MICU1: variants seen among roughly 807,000 people sequenced by gnomAD.
The protein encoded by MICU1 is mitochondrial calcium uptake 1, also known as calcium uptake protein 1, mitochondrial.
MICU1 carries 45 observed loss-of-function variants against 56.8 expected under a neutral mutation model. That is an observed-to-expected ratio of 0.79 (90% confidence interval 0.62 to 1.02). The LOEUF (loss-of-function observed/expected upper bound fraction) is 1.02, where lower values mean the gene tolerates loss of function less well. MICU1 is among the 50% of genes least tolerant of loss of function. The probability of loss-of-function intolerance (pLI) is 0.00; values close to 1 mark genes in which losing one functional copy is unlikely to be tolerated. For missense variants in MICU1, 504 were observed against 587.1 expected (o/e 0.86, Z 1.46); for synonymous variants, 186 against 195.1 (o/e 0.95, Z 0.39).
At position 72,412,313 on chromosome 10, in the gene MICU1, A is replaced by C. The variant is rs1198713962; in HGVS notation, c.1072-4276T>G. 2.6e-5 allele frequency among the ~76,000 whole-genome samples: 4 copies of C among 152,216 alleles called. No individual in the cohort carries two copies. The East Asian group carries it at 7.7e-4, about 29-fold the overall frequency. On this transcript the variant is annotated intron_variant, in intron 9 of 11. Transcript: ENST00000361114. ...AACAATCTATTGGCAGGTGACTAGA[A>C]CTGCAGACATAATAATCAAAAGGAA...
intron 8 of MICU1, among the ~76,000 whole-genome samples, chr10:72,431,828 T>C (rs1321946944): frequency 1.3e-5 from 2 of 152,200 alleles, no homozygotes; most frequent in Non-Finnish European, 2.9e-5. Context: ...ATCCCACTAG[T>C]ATATATGAGA....
chr10:72,569,237 A>ATATATATATATTTTTTTT, intron 1 of MICU1, among the ~76,000 whole-genome samples: 4 of 34,376 alleles, frequency 1.2e-4, no homozygotes, highest in Non-Finnish European at 2.0e-4. Flanking sequence ...ATATATATAT[A>ATATATATATATTTTTTTT]TTTTTTTTTT....
chr10:72,400,157 C>T (rs567946148), intron 10 of MICU1, among the ~76,000 whole-genome samples: 1 of 152,118 alleles, frequency 6.6e-6, no homozygotes, highest in Non-Finnish European at 1.5e-5. Flanking sequence ...GTACCACTGC[C>T]TCTATTAGCA....
rs59625471 is a variant in MICU1 at position 72,531,953 on chromosome 10, C to T, written c.537+1793G>A. On this transcript the variant is annotated intron_variant, in intron 5 of 11. Coordinates refer to ENST00000361114, the MANE Select transcript of MICU1 (RefSeq NM_001195518.2). The stretch of plus-strand genomic sequence containing the variant: ...TCTCGCTCTGTTGCCCAGGCTGGAG[C>T]GCAATGGCACAATCTTGGCTCACTG... 2.8e-5 allele frequency among the ~76,000 whole-genome samples: 4 copies of T among 144,938 alleles called. No homozygotes were observed. The Admixed American group carries it at 2.8e-4, about 10-fold the overall frequency.
At position 72,367,909 on chromosome 10, in the gene MICU1, C is replaced by T; in HGVS notation, c.*286G>A. ...TGGATGGTTCCCTGAATTCTTTATC[C>T]ACAGGATGCTTGAATGGGTGGTGCT... On this transcript the variant is annotated 3_prime_UTR_variant, in exon 12 of 12. Coordinates refer to ENST00000361114, the MANE Select transcript of MICU1 (RefSeq NM_001195518.2). 3.0e-6 allele frequency: 1 copy of T among 336,140 alleles called. No individual in the cohort carries two copies. Among genetic ancestry groups the T allele is most frequent in the Non-Finnish European group, 5.4e-6 (1 of 183,656 alleles). The allele number at this position is 336,140 out of a possible 1,614,324, so 20.8% of individuals were successfully genotyped here.
intron 1 of MICU1, among the ~76,000 whole-genome samples, chr10:72,624,417 A>G (rs1448679430): frequency 1.3e-5 from 2 of 152,120 alleles, no homozygotes; most frequent in Admixed American, 1.3e-4. Context: ...TCCTAGATTC[A>G]AGGGATCCAC....
intron 9 of MICU1, among the ~76,000 whole-genome samples, chr10:72,410,713 G>A (rs2132110082): frequency 6.6e-6 from 1 of 152,254 alleles, no homozygotes; most frequent in African/African-American, 2.4e-5. Flanking sequence ...TGGACTGGAA[G>A]GCCTATATTA....
intron 1 of MICU1, among the ~76,000 whole-genome samples, chr10:72,613,901 T>C (rs1449742492): frequency 6.6e-6 from 1 of 152,146 alleles, no homozygotes; most frequent in Non-Finnish European, 1.5e-5. Flanking sequence ...TCCCAGCACT[T>C]TGGGAGGCTG....
intron 11 of MICU1, among the ~76,000 whole-genome samples, chr10:72,372,784 G>A (rs1351613223): frequency 6.6e-6 from 1 of 152,084 alleles, no homozygotes; most frequent in African/African-American, 2.4e-5. Flanking sequence ...AGAGGCTGCA[G>A]TGAGCCGAGA....
chr10:72,483,912 T>C (rs2132287278), intron 6 of MICU1: 1 of 152,332 alleles, frequency 6.6e-6, no homozygotes, highest in East Asian at 1.9e-4. Flanking sequence ...CAAAAGACAC[T>C]GTGTTATTCA....
At chr10:72,452,384 A>G (rs1221913019) in intron 8 of MICU1, among the ~76,000 whole-genome samples, 1 of 152,216 alleles carries the variant, frequency 6.6e-6, no homozygotes, top group Non-Finnish European at 1.5e-5. Context: ...GAAGTTAATC[A>G]GTATTTTAAA....
chr10:72,479,765 G>C (rs1404336770), intron 6 of MICU1, among the ~76,000 whole-genome samples: 4 of 152,116 alleles, frequency 2.6e-5, no homozygotes, highest in Non-Finnish European at 1.5e-5. Context: ...GGCCTCAAAT[G>C]ATCCTCCTGC....
At chr10:72,398,543 T>A (rs1212225455) in intron 10 of MICU1, among the ~76,000 whole-genome samples, 1 of 150,982 alleles carries the variant, frequency 6.6e-6, no homozygotes, top group African/African-American at 2.4e-5. Context: ...GATAGACAGC[T>A]AGCAAGACTA....
chr10:72,489,296 A>T (rs1382543562), intron 6 of MICU1, among the ~76,000 whole-genome samples: 3 of 131,446 alleles, frequency 2.3e-5, no homozygotes, highest in African/African-American at 1.3e-4. Context: ...TCTGTCACAC[A>T]CACACACACA....
chr10:72,434,207 A>G (rs1399033624), intron 8 of MICU1, among the ~76,000 whole-genome samples: 1 of 152,176 alleles, frequency 6.6e-6, no homozygotes, highest in Non-Finnish European at 1.5e-5. Context: ...AGAACAATCC[A>G]TATTCTAACA....
chr10:72,393,914 C>T (rs113465967), intron 10 of MICU1, among the ~76,000 whole-genome samples: 5 of 151,984 alleles, frequency 3.3e-5, no homozygotes, highest in East Asian at 3.9e-4. Flanking sequence ...TACAGGTGCC[C>T]GCTGCCACTG....
intron 8 of MICU1, among the ~76,000 whole-genome samples, chr10:72,454,094 A>T (rs1865381247): frequency 6.6e-6 from 1 of 151,988 alleles, no homozygotes; most frequent in South Asian, 2.1e-4. Context: ...TGCTTCCCAA[A>T]GTGCTCGGAT....
At chr10:72,370,956 G>A (rs1862311884) in intron 11 of MICU1, among the ~76,000 whole-genome samples, 1 of 152,082 alleles carries the variant, frequency 6.6e-6, no homozygotes, top group Non-Finnish European at 1.5e-5. Context: ...ATTTGAATCT[G>A]GGAGATGGAG....
chr10:72,433,389 G>A (rs113332325), intron 8 of MICU1, among the ~76,000 whole-genome samples: 1,540 of 151,834 alleles, frequency 0.01, 23 homozygotes, highest in African/African-American at 0.035. Flanking sequence ...TGGGATTACA[G>A]GTGCATGCCA....
Sources: gnomAD v4.1 joint callset for allele counts (sites outside exome capture counted in the v4.1 genomes callset) on GRCh38, gnomAD v4.1.1 for gene constraint, MANE v1.5 for transcripts, NCBI Gene and HGNC (gene_info 2026-07-23, HGNC 2026-07-21) for gene names.